Variants in NRXN1 observed in about 807,000 individuals in gnomAD.
The protein encoded by NRXN1 is neurexin-1.
A neutral mutation model predicts 150.9 loss-of-function variants in NRXN1; 39 were observed. The observed-to-expected ratio is 0.26, with a 90% CI of 0.20 to 0.34. The LOEUF (loss-of-function observed/expected upper bound fraction) is 0.34. Ranked by LOEUF, NRXN1 falls within the 10% of genes least tolerant of loss-of-function variation. The pLI, the probability that NRXN1 is intolerant of heterozygous loss-of-function variation, is 1.00. For missense variants in NRXN1, 1,815 were observed against 1,949.9 expected (o/e 0.93, Z 1.30); for synonymous variants, 924 against 757.0 (o/e 1.22, Z -3.62).
At chr2:50,887,834 T>C (rs1388650131) in intron 5 of NRXN1, among the ~76,000 whole-genome samples, 1 of 151,420 alleles carries the variant, frequency 6.6e-6, no homozygotes, top group African/African-American at 2.4e-5. Flanking sequence ...AATCATGCTT[T>C]TTACTTTAAC....
chr2:49,951,952 T>C (rs961569546), intron 21 of NRXN1, among the ~76,000 whole-genome samples: 1 of 152,030 alleles, frequency 6.6e-6, no homozygotes, highest in African/African-American at 2.4e-5. Flanking sequence ...ATTGTTGCCA[T>C]GTTAGGGAAT....
intron 17 of NRXN1, among the ~76,000 whole-genome samples, chr2:50,413,145 C>G (rs2083305856): frequency 6.6e-6 from 1 of 152,126 alleles, no homozygotes; most frequent in African/African-American, 2.4e-5. Flanking sequence ...AGTGAAGAGA[C>G]CACCCACAGA....
chr2:50,022,047 C>G (rs1269938259), intron 21 of NRXN1, among the ~76,000 whole-genome samples: 1 of 151,954 alleles, frequency 6.6e-6, no homozygotes, highest in Non-Finnish European at 1.5e-5. Context: ...GACGAGATTT[C>G]ACCGTGTTAG....
chr2:50,984,724 A>G (rs1277050588), intron 2 of NRXN1, among the ~76,000 whole-genome samples: 1 of 152,108 alleles, frequency 6.6e-6, no homozygotes, highest in African/African-American at 2.4e-5. Flanking sequence ...AGGGCACCAG[A>G]GTTGTGCCCT....
chr2:50,793,191 A>G (rs1706302429), intron 5 of NRXN1, among the ~76,000 whole-genome samples: 1 of 152,186 alleles, frequency 6.6e-6, no homozygotes, highest in African/African-American at 2.4e-5. Context: ...TGTAAAATAC[A>G]AGAAAAGTAA....
At chr2:49,954,415 T>C (rs1487678668) in intron 21 of NRXN1, among the ~76,000 whole-genome samples, 1 of 152,170 alleles carries the variant, frequency 6.6e-6, no homozygotes, top group African/African-American at 2.4e-5. Context: ...GAGCTCTCTC[T>C]AAATTCTAAG....
intron 5 of NRXN1, among the ~76,000 whole-genome samples, chr2:50,636,151 TA>T (rs1186205947): frequency 6.6e-6 from 1 of 152,142 alleles, no homozygotes; most frequent in Non-Finnish European, 1.5e-5. Flanking sequence ...TGAAGTATTG[TA>T]AATAGAAAAA....
At chr2:50,612,901 T>A (rs1678424716) in intron 8 of NRXN1, among the ~76,000 whole-genome samples, 1 of 152,200 alleles carries the variant, frequency 6.6e-6, no homozygotes, top group African/African-American at 2.4e-5. Context: ...CAGTCTACTA[T>A]TCTACACATG....
intron 2 of NRXN1, among the ~76,000 whole-genome samples, chr2:50,962,615 T>C (rs1693390988): frequency 6.6e-6 from 1 of 151,668 alleles, no homozygotes; most frequent in African/African-American, 2.4e-5. Flanking sequence ...GATCTCATTG[T>C]CTTATGTCAG....
At chr2:50,799,480 C>G (rs1449863339) in intron 5 of NRXN1, among the ~76,000 whole-genome samples, 2 of 152,176 alleles carry the variant, frequency 1.3e-5, no homozygotes, top group East Asian at 3.9e-4. Flanking sequence ...GTGTTCAGCA[C>G]ATAGTACAGA....
chr2:50,779,540 G>A (rs62140594), intron 5 of NRXN1, among the ~76,000 whole-genome samples: 12,666 of 152,054 alleles, frequency 0.083, 638 homozygotes, highest in Non-Finnish European at 0.11. Context: ...AGGCCAAGGC[G>A]GGTGGATCAC....
At chr2:50,143,576 T>C (rs1216201156) in intron 18 of NRXN1, among the ~76,000 whole-genome samples, 4 of 152,130 alleles carry the variant, frequency 2.6e-5, no homozygotes, top group African/African-American at 7.2e-5. Context: ...AATGTGCAAA[T>C]GTTCTACAGC....
At chr2:50,900,883 G>A (rs1341320904) in intron 5 of NRXN1, among the ~76,000 whole-genome samples, 1 of 152,146 alleles carries the variant, frequency 6.6e-6, no homozygotes, top group Non-Finnish European at 1.5e-5. Flanking sequence ...GGAAGAGATG[G>A]TTCTCCTAAG....
At chr2:50,385,204 GAAGTT>G (rs1164598174) in intron 17 of NRXN1, among the ~76,000 whole-genome samples, 2 of 152,126 alleles carry the variant, frequency 1.3e-5, no homozygotes, top group Non-Finnish European at 2.9e-5. Flanking sequence ...GTTTTATGCT[GAAGTT>G]AAGAAATGAA....
At chr2:50,045,045 G>C (rs1437713150) in intron 21 of NRXN1, among the ~76,000 whole-genome samples, 1 of 152,120 alleles carries the variant, frequency 6.6e-6, no homozygotes, top group African/African-American at 2.4e-5. Flanking sequence ...TACAGTGAAA[G>C]CTGTTTGGTA....
chr2:50,486,403 C>T (rs1245083024), intron 15 of NRXN1, among the ~76,000 whole-genome samples: 1 of 152,174 alleles, frequency 6.6e-6, no homozygotes, highest in African/African-American at 2.4e-5. Context: ...GCATGATTCA[C>T]ACATGTCGCA....
At chr2:50,038,065 A>T (rs1003401708) in intron 21 of NRXN1, among the ~76,000 whole-genome samples, 1 of 152,222 alleles carries the variant, frequency 6.6e-6, no homozygotes, top group Non-Finnish European at 1.5e-5. Context: ...CAGAAAAAGG[A>T]ACAGCTTAGA....
intron 18 of NRXN1, among the ~76,000 whole-genome samples, chr2:50,184,647 C>T (rs1414503916): frequency 6.6e-6 from 1 of 152,004 alleles, no homozygotes; most frequent in Non-Finnish European, 1.5e-5. Flanking sequence ...TTTCAAAATT[C>T]ATGACCTTGG....
chr2:50,399,111 T>C (rs76530522), intron 17 of NRXN1, among the ~76,000 whole-genome samples: 5 of 152,174 alleles, frequency 3.3e-5, no homozygotes, highest in Admixed American at 6.6e-5. Context: ...TCTGTTTTTA[T>C]GTTTTTCACT....
Sources: allele counts gnomAD v4.1 joint callset (sites outside exome capture counted in the v4.1 genomes callset), GRCh38; gene constraint gnomAD v4.1.1; transcripts MANE v1.5; gene names NCBI Gene and HGNC (gene_info 2026-07-23, HGNC 2026-07-21).